The following MACC1 variants were observed in gnomAD, a reference collection of about 807,000 sequenced individuals.
MACC1 encodes the protein metastasis-associated in colon cancer protein 1.
A neutral mutation model predicts 70.7 loss-of-function variants in MACC1; 79 were observed. That is an observed-to-expected ratio of 1.12 (90% CI 0.93 to 1.35). MACC1 has a LOEUF of 1.35. MACC1 is among the 40% of genes most tolerant of loss of function. The pLI, the probability that MACC1 is intolerant of heterozygous loss-of-function variation, is 0.00. For synonymous variants in MACC1, 361 were observed against 347.2 expected (o/e 1.04, Z -0.44); for missense variants, 1,106 against 978.1 (o/e 1.13, Z -1.74).
At chr7:20,164,937 G>A (rs1782192008) in intron 2 of MACC1, among the ~76,000 whole-genome samples, 1 of 151,250 alleles carries the variant, frequency 6.6e-6, no homozygotes, top group African/African-American at 2.4e-5. Context: ...AATATGTACT[G>A]AGGATTCCTT....
At chr7:20,178,573 T>C (rs1030562309) in intron 1 of MACC1, among the ~76,000 whole-genome samples, 9 of 152,212 alleles carry the variant, frequency 5.9e-5, no homozygotes, top group Admixed American at 2.6e-4. Flanking sequence ...AGTTTCACTA[T>C]GGAGTACACC....
chr7:20,184,966 G>A (rs1027321550), intron 1 of MACC1: 1 of 152,120 alleles, frequency 6.6e-6, no homozygotes, highest in African/African-American at 2.4e-5. Flanking sequence ...TTAGAGACGA[G>A]AATATTCTCA....
intron 1 of MACC1, among the ~76,000 whole-genome samples, chr7:20,177,717 T>C (rs1216693464): frequency 5.8e-5 from 6 of 104,132 alleles, no homozygotes; most frequent in Non-Finnish European, 1.1e-4. Context: ...TTTAGCTGCC[T>C]TTGTTGTTTT....
chr7:20,145,039 CCAACTCCATGTTCCA>C (rs1781868420), intron 6 of MACC1, among the ~76,000 whole-genome samples: 1 of 152,132 alleles, frequency 6.6e-6, no homozygotes, highest in Non-Finnish European at 1.5e-5. Context: ...GGATATCCTC[CCAACTCCATGTTCCA>C]CAACTCCAGT....
In MACC1 at chr7:20,160,135, G is replaced by C. The variant is rs1217446680; in HGVS notation, c.226C>G (p.Pro76Ala). The C allele has an allele frequency of 1.2e-6, 2 of 1,613,176 alleles. No individual in the cohort carries two copies. Among genetic ancestry groups the C allele is most frequent in the African/African-American group, 2.7e-5 (2 of 74,860 alleles). ...PFWNQLSASN[P>A]FLDDITQLRN... Reference sequence around the variant, plus strand: ...AGTTGAGTTATGTCATCCAAAAATGGGTTAGAAGCAGACAGTTGATTCCAG... The same window carrying C: ...AGTTGAGTTATGTCATCCAAAAATGCGTTAGAAGCAGACAGTTGATTCCAG... Residue 76 changes from proline to alanine, a missense_variant, in exon 5 of 7, where the codon CCA (proline) becomes GCA (alanine). Coordinates refer to ENST00000400331, the MANE Select transcript of MACC1 (RefSeq NM_182762.4).
At chr7:20,157,977 T>C (rs1782079919) in intron 5 of MACC1, among the ~76,000 whole-genome samples, 1 of 152,176 alleles carries the variant, frequency 6.6e-6, no homozygotes, top group Non-Finnish European at 1.5e-5. Context: ...TTTTATTTTC[T>C]TTTAAAAGAT....
intron 1 of MACC1, chr7:20,185,187 C>G (rs940278729): frequency 1.3e-5 from 2 of 152,166 alleles, no homozygotes; most frequent in African/African-American, 2.4e-5. Context: ...GAGGCTTACA[C>G]TTTGCTATCA....
chr7:20,204,788 A>C (rs1437463868), intron 1 of MACC1, among the ~76,000 whole-genome samples: 2 of 152,230 alleles, frequency 1.3e-5, no homozygotes, highest in African/African-American at 4.8e-5. Flanking sequence ...AGGAGGAATT[A>C]ACCACCACAT....
rs566243362 is a variant in MACC1, at chr7:20,186,994, C to G, written c.-217-16216G>C. 4.6e-5 allele frequency among the ~76,000 whole-genome samples: 7 copies of G among 152,036 alleles called. No homozygotes were observed. In the South Asian group the frequency reaches 1.5e-3, roughly 32 times the overall value. On this transcript the variant is annotated intron_variant, in intron 1 of 6. Coordinates refer to ENST00000400331, the MANE Select transcript of MACC1 (RefSeq NM_182762.4). ...TTTTATAAAATCAGATGAAAAGAAACAAGACTGAAATGACATAAAGGAAGT... is the reference window on the plus strand; with the variant it reads ...TTTTATAAAATCAGATGAAAAGAAAGAAGACTGAAATGACATAAAGGAAGT...
At chr7:20,184,597 C>T (rs1456489420) in intron 1 of MACC1, among the ~76,000 whole-genome samples, 4 of 152,156 alleles carry the variant, frequency 2.6e-5, no homozygotes, top group Admixed American at 2.6e-4. Flanking sequence ...TAACTATACT[C>T]ATGCTATTTC....
Position 20,206,344 on chromosome 7 carries a change from C to T in MACC1, c.-218+10955G>A, listed in dbSNP as rs545024250. 3.2e-4 allele frequency among the ~76,000 whole-genome samples: 49 copies of T among 152,168 alleles called. 1 individual carries two copies. The South Asian group carries it at 8.3e-3, about 26-fold the overall frequency. On this transcript the variant is annotated intron_variant, in intron 1 of 6. Coordinates refer to ENST00000400331, the MANE Select transcript of MACC1 (RefSeq NM_182762.4). ...CTGCTCTAGGCAAGACTTCCAGTGACGTTCAAAGGACACCTTTCTATTTTA... is the reference window on the plus strand; with the variant it reads ...CTGCTCTAGGCAAGACTTCCAGTGATGTTCAAAGGACACCTTTCTATTTTA...
At chr7:20,171,125 T>G (rs190924701) in intron 1 of MACC1, among the ~76,000 whole-genome samples, 1 of 152,190 alleles carries the variant, frequency 6.6e-6, no homozygotes, top group Non-Finnish European at 1.5e-5. Flanking sequence ...TTCAGAAATA[T>G]AGACAACTGA....
At chr7:20,210,842 A>G (rs1391801214) in intron 1 of MACC1, among the ~76,000 whole-genome samples, 1 of 152,168 alleles carries the variant, frequency 6.6e-6, no homozygotes, top group African/African-American at 2.4e-5. Flanking sequence ...TGTAGTTGCC[A>G]CTTTCCCATA....
Position 20,158,797 on chromosome 7 carries a change from G to C in MACC1, c.1564C>G (p.Gln522Glu). 6.2e-7 allele frequency: 1 copy of C among 1,614,078 alleles called. No individual in the cohort carries two copies. Among genetic ancestry groups the C allele is most frequent in the Non-Finnish European group, 8.5e-7 (1 of 1,180,018 alleles). The change falls in exon 5 of 7, where the codon CAG becomes GAG. Residue 522 changes from glutamine to glutamate, a missense_variant. Transcript: ENST00000400331. ...KRLSNLPGYL[Q>E]KKEEIKSAPL... ...GCAGACTTGATTTCCTCCTTCTTCT[G>C]CAAATAGCCTGGCAGATTCGAGAGT... is the stretch of plus-strand genomic sequence containing the variant.
chr7:20,165,082 A>C (rs1198326514), intron 2 of MACC1, among the ~76,000 whole-genome samples: 2 of 152,138 alleles, frequency 1.3e-5, no homozygotes, highest in Non-Finnish European at 2.9e-5. Flanking sequence ...CTCAGAAACA[A>C]AGGCACCAAA....
chr7:20,186,267 G>A (rs1396610746), intron 1 of MACC1, among the ~76,000 whole-genome samples: 2 of 151,988 alleles, frequency 1.3e-5, no homozygotes, highest in African/African-American at 4.8e-5. Context: ...CACTTTCCAG[G>A]TTTTCTAATA....
In MACC1 at chr7:20,140,812, C is replaced by CACACACACACAG. The variant is rs1781786292; in HGVS notation, c.*133_*134insCTGTGTGTGTGT. On this transcript the variant is annotated 3_prime_UTR_variant, in exon 7 of 7. Coordinates refer to ENST00000400331, the MANE Select transcript of MACC1 (RefSeq NM_182762.4). ...AGATTCTTTCTTTCCTACACACACACACACACACACACAGACACACACACA... is the reference window on the plus strand; with the variant it reads ...AGATTCTTTCTTTCCTACACACACACACACACACACAGACACACACACACAGACACACACACA... 4 of 549,936 alleles carry CACACACACACAG rather than the reference C, an allele frequency of 7.3e-6. No individual in the cohort carries two copies. The highest frequency in any genetic ancestry group is 1.2e-5 in the Non-Finnish European group (4 of 336,338). 34.1% of individuals were successfully genotyped at this position (549,936 alleles called of 1,614,324 possible).
chr7:20,158,172 G>A (rs779868423), intron 5 of MACC1, 32 bp downstream of exon 5: 2 of 1,524,892 alleles, frequency 1.3e-6, no homozygotes, highest in Non-Finnish European at 8.7e-7. Flanking sequence ...ATTCTCGATG[G>A]CAATTCATTA....
intron 6 of MACC1, among the ~76,000 whole-genome samples, chr7:20,141,571 G>A (rs955119104): frequency 2.0e-5 from 3 of 151,976 alleles, no homozygotes; most frequent in Non-Finnish European, 4.4e-5. Context: ...ACCAAATAAT[G>A]TATCAGGAGA....
Sources: allele counts gnomAD v4.1 joint callset (sites outside exome capture counted in the v4.1 genomes callset), GRCh38; gene constraint gnomAD v4.1.1; transcripts MANE v1.5; gene names NCBI Gene and HGNC (gene_info 2026-07-23, HGNC 2026-07-21).